Variants in GGTA1 observed in about 807,000 individuals in gnomAD.
GGTA1 encodes the protein glycoprotein alpha-galactosyltransferase 1 (inactive).
In GGTA1, 5 loss-of-function variants were observed where a neutral mutation model predicts 2.6. The observed-to-expected ratio is 1.92, with a 90% CI of 1.00 to 4.04. The LOEUF is 4.04. GGTA1 is among the 30% of genes most tolerant of loss of function. GGTA1 has a pLI of 0.00. For missense variants in GGTA1, 50 were observed against 16.7 expected (o/e 2.99, Z -3.47); for synonymous variants, 17 against 5.0 (o/e 3.38, Z -3.19).
At chr9:121,480,181 G>T (rs568906328) in intron 1 of GGTA1, among the ~76,000 whole-genome samples, 1 of 151,434 alleles carries the variant, frequency 6.6e-6, no homozygotes, top group African/African-American at 2.4e-5. Flanking sequence ...TCAGCCTCCC[G>T]AGTAGCTGGG....
intron 1 of GGTA1, among the ~76,000 whole-genome samples, chr9:121,473,137 T>C (rs779225452): frequency 2.0e-4 from 30 of 151,946 alleles, no homozygotes; most frequent in Non-Finnish European, 3.8e-4. Flanking sequence ...CTGGCCAACA[T>C]GGCAAAACCC....
At position 121,467,927 on chromosome 9, in the gene GGTA1, TTC is replaced by T. The variant is rs1265528506; in HGVS notation, c.-7_-6del. The T allele has an allele frequency of 4.4e-6, 2 of 456,214 alleles. No individual in the cohort carries two copies. The highest frequency in any genetic ancestry group is 3.1e-5 in the South Asian group (2 of 64,384). The allele number at this position is 456,214 out of a possible 1,614,324, so 28.3% of individuals were successfully genotyped here. On this transcript the variant is annotated splice_region_variant and 5_prime_UTR_variant, in exon 2 of 6. Coordinates refer to ENST00000481799, the MANE Select transcript of GGTA1 (RefSeq NM_001382585.1). ...TACTTTTCCTTTGACATTCATTATT[TTC>T]TCCTAGGAAAAAAGAAGAGGGGAGA...
chr9:121,456,904 A>G (rs866145367), intron 5 of GGTA1, among the ~76,000 whole-genome samples: 6 of 151,824 alleles, frequency 4.0e-5, no homozygotes, highest in Middle Eastern at 6.8e-3. Context: ...ACTTCTGGAC[A>G]CAAGCAATCC....
chr9:121,461,358 G>T, intron 3 of GGTA1, 41 bp from the exon 4 acceptor site: 1 of 450,474 alleles, frequency 2.2e-6, no homozygotes, highest in Non-Finnish European at 4.4e-6. Context: ...TAGAAAATGT[G>T]GTGTCCCCAA....
Position 121,496,757 on chromosome 9 carries a change from A to AAAAAAAAAAAAAAAAAAAAAGAG in GGTA1, c.-10+2892_-10+2893insCTCTTTTTTTTTTTTTTTTTTTT, listed in dbSNP as rs1554838784. On this transcript the variant is annotated intron_variant, in intron 1 of 5. Transcript: ENST00000481799. ...AAAAAAAAAAAAAAAAAAAAAAAAA[A>AAAAAAAAAAAAAAAAAAAAAGAG]AGAGAGAGAGAATCGCTTGAATGAA... Among the ~76,000 whole-genome samples the AAAAAAAAAAAAAAAAAAAAAGAG allele has an allele frequency of 9.8e-4, 110 of 111,914 alleles. 12 individuals are homozygous for AAAAAAAAAAAAAAAAAAAAAGAG. Among genetic ancestry groups the AAAAAAAAAAAAAAAAAAAAAGAG allele is most frequent in the Non-Finnish European group, 1.6e-3 (76 of 48,260 alleles). The allele number at this position is 111,914 out of a possible 152,430, so 73.4% of individuals were successfully genotyped here.
At chr9:121,484,336 A>G (rs10120033) in intron 1 of GGTA1, among the ~76,000 whole-genome samples, 41,278 of 152,054 alleles carry the variant, frequency 0.27, 6,128 homozygotes, top group Middle Eastern at 0.37. Context: ...TGGGAGAGTC[A>G]TCTGTTTTTC....
intron 1 of GGTA1, among the ~76,000 whole-genome samples, chr9:121,470,714 T>C (rs1007899201): frequency 5.9e-5 from 9 of 152,224 alleles, no homozygotes; most frequent in African/African-American, 2.2e-4. Context: ...TGGGAAGGAA[T>C]TTAGTTTATA....
At chr9:121,468,300 G>A (rs185247059) in intron 1 of GGTA1, among the ~76,000 whole-genome samples, 98 of 152,298 alleles carry the variant, frequency 6.4e-4, no homozygotes, top group African/African-American at 2.2e-3. Context: ...TTAGTTTGCT[G>A]AGAATGATGG....
intron 1 of GGTA1, among the ~76,000 whole-genome samples, chr9:121,483,440 GAC>G (rs1027726639): frequency 7.2e-5 from 11 of 152,268 alleles, no homozygotes; most frequent in Admixed American, 7.2e-4. Flanking sequence ...CTCCTTCCCT[GAC>G]ACACTTTCAT....
chr9:121,490,640 G>A lies in GGTA1; in HGVS notation c.-10+9010C>T, dbSNP rs147677680. ...AGTGGCTCTGCAACCTAAGGAAGCCGCATGGAGGCAGGTGCTAGAGCAACG... is the reference window on the plus strand; with the variant it reads ...AGTGGCTCTGCAACCTAAGGAAGCCACATGGAGGCAGGTGCTAGAGCAACG... On this transcript the variant is annotated intron_variant, in intron 1 of 5. Coordinates refer to ENST00000481799, the MANE Select transcript of GGTA1 (RefSeq NM_001382585.1). Among the ~76,000 whole-genome samples, 1,075 of 152,330 alleles carry A rather than the reference G, an allele frequency of 7.1e-3. 2 individuals are homozygous for A. The highest frequency in any genetic ancestry group is 0.031 in the South Asian group (148 of 4,824).
chr9:121,454,346 A>G (rs992158115), downstream of GGTA1, among the ~76,000 whole-genome samples: 4 of 152,242 alleles, frequency 2.6e-5, no homozygotes, highest in African/African-American at 7.2e-5. Flanking sequence ...AAGAAAACCA[A>G]GTCTCAGAGC....
exon 8 of GGTA1, chr9:121,446,281 A>C (rs1429078735): frequency 6.6e-6 from 1 of 152,300 alleles, no homozygotes; most frequent in African/African-American, 2.4e-5. Context: ...CATGCTGGGC[A>C]CCTTGGCTCA....
At chr9:121,475,522 C>G (rs1828491979) in intron 1 of GGTA1, among the ~76,000 whole-genome samples, 1 of 152,132 alleles carries the variant, frequency 6.6e-6, no homozygotes, top group Admixed American at 6.5e-5. Flanking sequence ...AGACCCCCTT[C>G]CTGTAACACA....
At chr9:121,454,004 C>G (rs2064892456), downstream of GGTA1, among the ~76,000 whole-genome samples, 1 of 152,168 alleles carries the variant, frequency 6.6e-6, no homozygotes. Context: ...TTCCCAGATT[C>G]CACCACAGCT....
intron 1 of GGTA1, among the ~76,000 whole-genome samples, chr9:121,496,748 A>AG (rs1829001484): frequency 7.0e-6 from 1 of 142,676 alleles, no homozygotes; most frequent in African/African-American, 2.5e-5. Flanking sequence ...AAAAAAAAAA[A>AG]AAAAAAAAAA....
chr9:121,468,479 CAT>C (rs1372821138), intron 1 of GGTA1, among the ~76,000 whole-genome samples: 14 of 152,280 alleles, frequency 9.2e-5, no homozygotes, highest in Non-Finnish European at 2.1e-4. Context: ...GCAATAAACA[CAT>C]GTGTGCATGT....
intron 1 of GGTA1, among the ~76,000 whole-genome samples, chr9:121,493,298 G>A (rs1225538911): frequency 6.6e-6 from 1 of 151,978 alleles, no homozygotes; most frequent in Non-Finnish European, 1.5e-5. Flanking sequence ...CTGCTACCTC[G>A]TGAACTACCT....
intron 1 of GGTA1, among the ~76,000 whole-genome samples, chr9:121,491,450 C>T (rs529990769): frequency 6.6e-6 from 1 of 152,282 alleles, no homozygotes; most frequent in East Asian, 1.9e-4. Flanking sequence ...CTTGCTTCTT[C>T]CCTCTGCCTG....
At chr9:121,498,039 A>G (rs1829028689) in intron 1 of GGTA1, among the ~76,000 whole-genome samples, 1 of 152,224 alleles carries the variant, frequency 6.6e-6, no homozygotes, top group African/African-American at 2.4e-5. Flanking sequence ...CTCCACCAAA[A>G]ACTGGATCAG....
Sources: gnomAD v4.1 joint callset for allele counts (sites outside exome capture counted in the v4.1 genomes callset) on GRCh38, gnomAD v4.1.1 for gene constraint, MANE v1.5 for transcripts, NCBI Gene and HGNC (gene_info 2026-07-23, HGNC 2026-07-21) for gene names.